ERG: variants seen among roughly 807,000 people sequenced by gnomAD.
ERG encodes transcriptional regulator ERG.
Under a neutral mutation model 55.3 loss-of-function variants are expected in ERG, and 9 were observed. The observed-to-expected ratio is 0.16, with a 90% CI of 0.10 to 0.28. ERG has a LOEUF of 0.28. Among genes scored for constraint, ERG ranks in the 10% least tolerant of loss-of-function variants. ERG has a pLI of 1.00. For missense variants in ERG, 434 were observed against 631.6 expected, an observed-to-expected ratio of 0.69 and a Z score of 3.35; for synonymous variants, 223 against 237.3, an observed-to-expected ratio of 0.94 and a Z score of 0.55.
chr21:38,636,592 C>G (rs1415021718), intron 1 of ERG, among the ~76,000 whole-genome samples: 1 of 152,306 alleles, frequency 6.6e-6, no homozygotes, highest in South Asian at 2.1e-4. Flanking sequence ...AAAGCTGGAA[C>G]TATAAAAGCC....
chr21:38,629,727 T>C (rs2060346038), intron 1 of ERG, among the ~76,000 whole-genome samples: 1 of 152,194 alleles, frequency 6.6e-6, no homozygotes, highest in Non-Finnish European at 1.5e-5. Context: ...AGAATTACCA[T>C]GTGATCCAGC....
chr21:38,415,643 C>T (rs906663828), intron 3 of ERG, among the ~76,000 whole-genome samples: 2 of 152,076 alleles, frequency 1.3e-5, no homozygotes, highest in Non-Finnish European at 2.9e-5. Context: ...AGTCATTTCA[C>T]CAGCAGGTTC....
intron 9 of ERG, among the ~76,000 whole-genome samples, chr21:38,387,572 G>A (rs933034923): frequency 9.9e-5 from 15 of 152,194 alleles, no homozygotes; most frequent in African/African-American, 3.6e-4. Flanking sequence ...TATCTTGCAA[G>A]ATCATGGTAA....
chr21:38,376,503 G>A (rs549775599), downstream of ERG, among the ~76,000 whole-genome samples: 2 of 152,358 alleles, frequency 1.3e-5, no homozygotes, highest in Admixed American at 6.5e-5. Flanking sequence ...AAGGGTGGAA[G>A]TGCTGGTCTG....
At chr21:38,391,373 T>A (rs567323080) in intron 8 of ERG, among the ~76,000 whole-genome samples, 24 of 152,282 alleles carry the variant, frequency 1.6e-4, no homozygotes, top group African/African-American at 5.8e-4. Context: ...CTGTGTTGTT[T>A]AGGCATGGAA....
intron 2 of ERG, among the ~76,000 whole-genome samples, chr21:38,561,112 G>T (rs1242279762): frequency 1.3e-5 from 2 of 151,740 alleles, no homozygotes; most frequent in African/African-American, 2.4e-5. Flanking sequence ...TTGTTCGTTT[G>T]TTTTTAATTT....
At chr21:38,642,181 T>A (rs982494651) in intron 1 of ERG, among the ~76,000 whole-genome samples, 4 of 152,170 alleles carry the variant, frequency 2.6e-5, no homozygotes, top group Non-Finnish European at 5.9e-5. Context: ...ACAAAACAGG[T>A]GCCAGCACAT....
At chr21:38,624,653 C>A (rs55651068) in intron 1 of ERG, among the ~76,000 whole-genome samples, 1 of 152,054 alleles carries the variant, frequency 6.6e-6, no homozygotes, top group African/African-American at 2.4e-5. Context: ...AATCTCAGCA[C>A]CGCTCACTGG....
chr21:38,544,261 A>C (rs2095790772), intron 2 of ERG, among the ~76,000 whole-genome samples: 1 of 152,190 alleles, frequency 6.6e-6, no homozygotes, highest in Non-Finnish European at 1.5e-5. Flanking sequence ...TGAAGAAGTA[A>C]CCGGGATCAG....
chr21:38,629,635 A>G (rs2060345633), intron 1 of ERG, among the ~76,000 whole-genome samples: 1 of 152,196 alleles, frequency 6.6e-6, no homozygotes, highest in Non-Finnish European at 1.5e-5. Context: ...AGAAATTGGA[A>G]CCCTTGTTCC....
intron 1 of ERG, among the ~76,000 whole-genome samples, chr21:38,450,327 G>A (rs1464700022): frequency 2.0e-5 from 3 of 152,104 alleles, no homozygotes; most frequent in African/African-American, 4.8e-5. Flanking sequence ...GCAGTGAGCC[G>A]GGATCACGCG....
At chr21:38,415,162 C>T (rs552405764) in intron 3 of ERG, among the ~76,000 whole-genome samples, 53 of 152,286 alleles carry the variant, frequency 3.5e-4, no homozygotes, top group African/African-American at 1.2e-3. Context: ...GAACTGGGTT[C>T]GAATCCTGGC....
At chr21:38,494,641 T>A (rs750216217) in intron 1 of ERG, among the ~76,000 whole-genome samples, 2 of 152,266 alleles carry the variant, frequency 1.3e-5, no homozygotes, top group Non-Finnish European at 2.9e-5. Flanking sequence ...AAACAAAAAC[T>A]TTATGAGATA....
rs1219431249 is a variant in ERG at position 38,382,573 on chromosome 21, T to C, written c.*830A>G. 3 of 1,065,922 alleles carry C rather than the reference T, an allele frequency of 2.8e-6. No individual in the cohort carries two copies. The highest frequency in any genetic ancestry group is 4.1e-4 in the Middle Eastern group (1 of 2,426). 66.0% of individuals were successfully genotyped at this position (1,065,922 alleles called of 1,614,324 possible). A position where few individuals can be genotyped will look rare whatever the true frequency, so the allele number is the denominator to read the frequency against. Reference sequence around the variant, plus strand: ...TGGGTTTGGTATAACACTGACTGCATGAACCCTCGAGTCTCCATAACTCAT... The same window carrying C: ...TGGGTTTGGTATAACACTGACTGCACGAACCCTCGAGTCTCCATAACTCAT... On this transcript the variant is annotated 3_prime_UTR_variant, in exon 10 of 10. Coordinates refer to ENST00000288319, the MANE Select transcript of ERG (RefSeq NM_182918.4).
At chr21:38,424,035 C>T (rs1989682061) in intron 2 of ERG, among the ~76,000 whole-genome samples, 2 of 152,028 alleles carry the variant, frequency 1.3e-5, no homozygotes, top group Admixed American at 6.6e-5. Context: ...TTCTGTCCTC[C>T]CGAAATGCAT....
chr21:38,509,882 T>C (rs1401311326), intron 2 of ERG, among the ~76,000 whole-genome samples: 2 of 152,216 alleles, frequency 1.3e-5, no homozygotes, highest in African/African-American at 2.4e-5. Flanking sequence ...CATTAGCTCC[T>C]AGAAATCAGA....
chr21:38,508,103 A>C (rs1250676741), intron 2 of ERG, among the ~76,000 whole-genome samples: 3 of 124,816 alleles, frequency 2.4e-5, no homozygotes, highest in Non-Finnish European at 5.4e-5. Context: ...ACACACAGGC[A>C]AACACAGACA....
intron 6 of ERG, among the ~76,000 whole-genome samples, chr21:38,397,618 A>G (rs1055396734): frequency 7.0e-6 from 1 of 143,364 alleles, no homozygotes; most frequent in Non-Finnish European, 1.5e-5. Context: ...AAAAAAAAAA[A>G]GAAGAGAAAA....
rs919183140 is a variant in ERG at position 38,606,933 on chromosome 21, A to AT, written c.-149-21989dup. Among the ~76,000 whole-genome samples the AT allele has an allele frequency of 2.6e-4, 40 of 151,842 alleles. 1 individual carries two copies. In the East Asian group the frequency reaches 3.5e-3, roughly 13 times the overall value. On this transcript the variant is annotated intron_variant, in intron 1 of 10. Coordinates refer to the ERG transcript ENST00000398910. ...TTTAGAGAAAGAAATGAGACTTCAG[A>AT]TTTTTTTTTAAAAAAGGAGTCCTGA...
Sources: allele counts gnomAD v4.1 joint callset (sites outside exome capture counted in the v4.1 genomes callset), GRCh38; gene constraint gnomAD v4.1.1; transcripts MANE v1.5; gene names NCBI Gene and HGNC (gene_info 2026-07-23, HGNC 2026-07-21).